Variants in CCDC6 observed in about 807,000 individuals in gnomAD.
CCDC6 encodes coiled-coil domain-containing protein 6.
CCDC6 carries 20 observed loss-of-function variants against 56.6 expected under a neutral mutation model. That is an observed-to-expected ratio of 0.35 (90% CI 0.25 to 0.51). The LOEUF (loss-of-function observed/expected upper bound fraction) is 0.51, where lower values mean the gene tolerates loss of function less well. Among genes scored for constraint, CCDC6 ranks in the 20% least tolerant of loss-of-function variants. The pLI, the probability that CCDC6 is intolerant of heterozygous loss-of-function variation, is 0.95. For synonymous variants in CCDC6, 241 were observed against 234.4 expected, an observed-to-expected ratio of 1.03 and a Z score of -0.26; for missense variants, 367 against 601.1, an observed-to-expected ratio of 0.61 and a Z score of 4.07.
chr10:59,861,235 T>TACCGCAAGTG (rs2071125408), intron 1 of CCDC6, among the ~76,000 whole-genome samples: 1 of 151,916 alleles, frequency 6.6e-6, no homozygotes, highest in African/African-American at 2.4e-5. Context: ...GGTGTGTGCT[T>TACCGCAAGTG]GTAGTCCACT....
chr10:59,862,978 G>A (rs894457664), intron 1 of CCDC6, among the ~76,000 whole-genome samples: 2 of 151,906 alleles, frequency 1.3e-5, no homozygotes, highest in African/African-American at 2.4e-5. Flanking sequence ...GAAACACCCC[G>A]AATACCTACT....
intron 1 of CCDC6, among the ~76,000 whole-genome samples, chr10:59,881,484 G>C (rs1418899081): frequency 6.6e-6 from 1 of 152,152 alleles, no homozygotes; most frequent in East Asian, 1.9e-4. Context: ...TTAGGGATCA[G>C]CTGAGGGCCT....
chr10:59,814,672 A>G lies in CCDC6; in HGVS notation c.666T>C (p.Asp222=), dbSNP rs2070698266. Reference sequence around the variant, plus strand: ...CAAACCGCTTTTCAGCTTCAAGCTTATCCATCCTTTTCCAGAGGCGATTAA... The same window carrying G: ...CAAACCGCTTTTCAGCTTCAAGCTTGTCCATCCTTTTCCAGAGGCGATTAA... ...ALVNRLWKRM[D]KLEAEKRILQ... Residue 222 remains aspartate (D), a synonymous_variant, in exon 4 of 9, where the codon GAT becomes GAC. Coordinates refer to ENST00000263102, the MANE Select transcript of CCDC6 (RefSeq NM_005436.5). 5.0e-6 allele frequency: 8 copies of G among 1,612,520 alleles called. No individual in the cohort carries two copies. Among genetic ancestry groups the G allele is most frequent in the Non-Finnish European group, 6.8e-6 (8 of 1,178,598 alleles).
Position 59,906,389 on chromosome 10 carries a change from C to T in CCDC6, c.36G>A (p.Gly12=), listed in dbSNP as rs1348314472. ...ADSASESDTD[G]AGGNSSSSAA... ...CCGAGCTGCTGCTGTTGCCCCCCGC[C>T]CCGTCCGTGTCGCTCTCGCTGGCGC... The change falls in exon 1 of 9, where the codon GGG becomes GGA. Residue 12 remains glycine (G), a synonymous_variant. Coordinates refer to ENST00000263102, the MANE Select transcript of CCDC6 (RefSeq NM_005436.5). 1 of 1,585,804 alleles carries T rather than the reference C, an allele frequency of 6.3e-7. No homozygotes were observed. Among genetic ancestry groups the T allele is most frequent in the African/African-American group, 1.4e-5 (1 of 73,738 alleles).
intron 6 of CCDC6, chr10:59,805,153 T>A (rs150737694): frequency 6.5e-6 from 1 of 152,872 alleles, no homozygotes; most frequent in African/African-American, 2.4e-5. Context: ...AGTGTGATCA[T>A]CAGGAACATC....
chr10:59,816,551 A>G (rs1231681348), intron 3 of CCDC6, among the ~76,000 whole-genome samples: 1 of 152,198 alleles, frequency 6.6e-6, no homozygotes, highest in Non-Finnish European at 1.5e-5. Flanking sequence ...TGTTGAGAAA[A>G]TTACTAGATA....
Position 59,842,750 on chromosome 10 carries a change from ATTTT to A in CCDC6, c.453+9799_453+9802del, listed in dbSNP as rs3043541. ...TTCCCTTTAGAATTTATGGAAGACA[ATTTT>A]TTTTTTTTTTTTTTTTTGAGACAGA... On this transcript the variant is annotated intron_variant, in intron 2 of 8. Coordinates refer to ENST00000263102, the MANE Select transcript of CCDC6 (RefSeq NM_005436.5). 4.3e-5 allele frequency among the ~76,000 whole-genome samples: 5 copies of A among 115,532 alleles called. No individual in the cohort carries two copies. In the South Asian group the frequency reaches 1.4e-3, roughly 32 times the overall value. The allele number at this position is 115,532 out of a possible 152,430, so 75.8% of individuals were successfully genotyped here.
At chr10:59,906,038 C>T (rs1564762310) in intron 1 of CCDC6, 84 bp downstream of exon 1, 5 of 1,212,568 alleles carry the variant, frequency 4.1e-6, no homozygotes, top group Non-Finnish European at 5.8e-6. Flanking sequence ...CTGGGGAAGA[C>T]TTGGGGGGTG....
At chr10:59,852,806 T>C in intron 1 of CCDC6, 104 bp from the exon 2 acceptor site, 1 of 896,130 alleles carries the variant, frequency 1.1e-6, no homozygotes. Context: ...GGGTACCCAT[T>C]TTAAATAGAG....
chr10:59,807,208 G>A, intron 5 of CCDC6, 130 bp from the exon 6 acceptor site: 2 of 797,506 alleles, frequency 2.5e-6, no homozygotes. Context: ...TTTCTGGTCG[G>A]GTATGGTGGC....
At position 59,792,827 on chromosome 10, in the gene CCDC6, T is replaced by TA; in HGVS notation, c.*89_*90insT. The TA allele has an allele frequency of 7.7e-7, 1 of 1,303,154 alleles. No individual in the cohort carries two copies. The highest frequency in any genetic ancestry group is 1.1e-6 in the Non-Finnish European group (1 of 897,416). The allele number at this position is 1,303,154 out of a possible 1,614,324, so 80.7% of individuals were successfully genotyped here. A position where few individuals can be genotyped will look rare whatever the true frequency, so the allele number is the denominator to read the frequency against. ...ATAACCTCAGTGCAAATAAGTCATA[T>TA]CCAAATATGCCAGAGAAGGAAGCCT... On this transcript the variant is annotated 3_prime_UTR_variant, in exon 9 of 9. Coordinates refer to ENST00000263102, the MANE Select transcript of CCDC6 (RefSeq NM_005436.5).
At chr10:59,798,829 C>A (rs1296229994) in intron 7 of CCDC6, among the ~76,000 whole-genome samples, 2 of 150,426 alleles carry the variant, frequency 1.3e-5, no homozygotes, top group Non-Finnish European at 2.9e-5. Context: ...CCCATCTCTA[C>A]TAAAAATACA....
At chr10:59,793,775 A>G (rs79353100) in intron 8 of CCDC6, among the ~76,000 whole-genome samples, 2 of 1,542 alleles carry the variant, frequency 1.3e-3, no homozygotes, top group East Asian at 0.021. Context: ...CAGAGTGAGG[A>G]AAAAAAAAAA....
intron 1 of CCDC6, among the ~76,000 whole-genome samples, chr10:59,874,650 C>A (rs2071262674): frequency 6.6e-6 from 1 of 152,170 alleles, no homozygotes; most frequent in East Asian, 1.9e-4. Flanking sequence ...CATCAACTGA[C>A]TTTAAAATAA....
At chr10:59,795,984 A>G (rs2070514641) in intron 7 of CCDC6, among the ~76,000 whole-genome samples, 1 of 152,206 alleles carries the variant, frequency 6.6e-6, no homozygotes, top group African/African-American at 2.4e-5. Context: ...TCCTTTGGGT[A>G]TATACCCAGT....
At chr10:59,812,851 A>T in intron 4 of CCDC6, 56 bp from the exon 5 acceptor site, 1 of 1,296,442 alleles carries the variant, frequency 7.7e-7, no homozygotes, top group Non-Finnish European at 1.1e-6. Context: ...GAAAAGACAA[A>T]ACAACATACT....
At chr10:59,806,874 G>C (rs778851014) in intron 6 of CCDC6, 48 bp downstream of exon 6, 1 of 1,575,806 alleles carries the variant, frequency 6.3e-7, no homozygotes, top group Admixed American at 1.8e-5. Flanking sequence ...TGTAGAACCT[G>C]GGTTTTATTT....
In CCDC6 at chr10:59,794,607, A is replaced by G. The variant is rs2132619813; in HGVS notation, c.1106-10T>C. On this transcript the variant is annotated splice_polypyrimidine_tract_variant and intron_variant, in intron 7 of 8. Transcript: ENST00000263102. ...CTTGCATATGATAGACCTAAAATAT[A>G]ACAACAAATTAAGTATCATTTTAAG... 6.2e-7 allele frequency: 1 copy of G among 1,613,206 alleles called. No individual in the cohort carries two copies. The highest frequency in any genetic ancestry group is 2.2e-5 in the East Asian group (1 of 44,862).
At chr10:59,846,659 A>G (rs2070995045) in intron 2 of CCDC6, among the ~76,000 whole-genome samples, 1 of 152,250 alleles carries the variant, frequency 6.6e-6, no homozygotes, top group Non-Finnish European at 1.5e-5. Context: ...TTATTTTCTC[A>G]GAATCAGATC....
Sources: gnomAD v4.1 joint callset for allele counts (sites outside exome capture counted in the v4.1 genomes callset) on GRCh38, gnomAD v4.1.1 for gene constraint, MANE v1.5 for transcripts, NCBI Gene and HGNC (gene_info 2026-07-23, HGNC 2026-07-21) for gene names.